SUGCT: variants seen among roughly 807,000 people sequenced by gnomAD.
SUGCT encodes succinyl-CoA:glutarate CoA-transferase.
In SUGCT, 41 loss-of-function variants were observed where a neutral mutation model predicts 55.0. The ratio of observed to expected loss-of-function variants is 0.74; its 90% CI spans 0.58 to 0.97. SUGCT has a LOEUF of 0.97. Ranked by LOEUF, SUGCT falls within the 50% of genes least tolerant of loss-of-function variation. SUGCT has a pLI of 0.00. For missense variants in SUGCT, 568 were observed against 547.8 expected, an observed-to-expected ratio of 1.04 and a Z score of -0.37; for synonymous variants, 187 against 200.4, an observed-to-expected ratio of 0.93 and a Z score of 0.56.
chr7:40,502,801 AC>A, intron 12 of SUGCT, among the ~76,000 whole-genome samples: 1 of 152,134 alleles, frequency 6.6e-6, no homozygotes, highest in Middle Eastern at 3.4e-3. Context: ...AGCTTTCCTC[AC>A]TTTTTAGTTA....
chr7:40,658,768 G>A (rs543750743), intron 12 of SUGCT, among the ~76,000 whole-genome samples: 62 of 152,304 alleles, frequency 4.1e-4, no homozygotes, highest in African/African-American at 1.3e-3. Flanking sequence ...ATTTCCAGCC[G>A]TAAAATCCCA....
intron 13 of SUGCT, among the ~76,000 whole-genome samples, chr7:40,757,506 A>C (rs1216857946): frequency 6.6e-6 from 1 of 152,160 alleles, no homozygotes; most frequent in Admixed American, 6.5e-5. Context: ...ACAGACAAGA[A>C]ACTCTTATTG....
At chr7:40,842,043 A>C (rs940233888) in intron 13 of SUGCT, among the ~76,000 whole-genome samples, 2 of 152,212 alleles carry the variant, frequency 1.3e-5, no homozygotes, top group Admixed American at 6.5e-5. Flanking sequence ...CCACAGAATT[A>C]ATATTAGGAA....
chr7:41,000,211 C>T, the SUGCT span, among the ~76,000 whole-genome samples: 1 of 152,140 alleles, frequency 6.6e-6, no homozygotes, highest in Admixed American at 6.6e-5. Context: ...CACACATACA[C>T]ACACACGCAT....
chr7:40,283,239 T>C (rs947985597), intron 8 of SUGCT, among the ~76,000 whole-genome samples: 2 of 152,024 alleles, frequency 1.3e-5, no homozygotes, highest in African/African-American at 4.8e-5. Context: ...TTTTCTTTTT[T>C]TTTTTTTGAG....
intron 3 of SUGCT, among the ~76,000 whole-genome samples, chr7:40,183,234 C>G (rs1785318853): frequency 6.6e-6 from 1 of 152,222 alleles, no homozygotes; most frequent in Admixed American, 6.5e-5. Flanking sequence ...GGTCGTGCCA[C>G]TGCACTCCAG....
intron 7 of SUGCT, among the ~76,000 whole-genome samples, chr7:40,254,828 T>G (rs1280968105): frequency 6.6e-6 from 1 of 152,066 alleles, no homozygotes; most frequent in Non-Finnish European, 1.5e-5. Context: ...AAAAAATTTA[T>G]TTTTCAAAAA....
intron 12 of SUGCT, among the ~76,000 whole-genome samples, chr7:40,558,852 G>A (rs1795690854): frequency 6.6e-6 from 1 of 152,158 alleles, no homozygotes; most frequent in South Asian, 2.1e-4. Context: ...TCTGGGACCT[G>A]GATATATGCA....
chr7:40,708,227 C>T (rs1025727473), intron 12 of SUGCT, among the ~76,000 whole-genome samples: 1 of 152,074 alleles, frequency 6.6e-6, no homozygotes, highest in Non-Finnish European at 1.5e-5. Flanking sequence ...TTCCTGGGTA[C>T]TCTGTGCTTT....
intron 1 of SUGCT, among the ~76,000 whole-genome samples, chr7:40,161,983 G>A (rs1468894896): frequency 4.0e-5 from 6 of 151,554 alleles, no homozygotes; most frequent in Non-Finnish European, 7.4e-5. Context: ...TGCAACCTCC[G>A]CCTCCCGGGT....
At chr7:40,931,608 T>C in the SUGCT span, among the ~76,000 whole-genome samples, 1 of 152,224 alleles carries the variant, frequency 6.6e-6, no homozygotes, top group Non-Finnish European at 1.5e-5. Flanking sequence ...CAGCCTGTTA[T>C]TGGTCTATTC....
chr7:40,539,424 A>C (rs1238945102), intron 12 of SUGCT: 1 of 152,238 alleles, frequency 6.6e-6, no homozygotes, highest in African/African-American at 2.4e-5. Context: ...GAGAGGACAC[A>C]GAATTCATGC....
At chr7:40,943,915 AT>A in the SUGCT span, among the ~76,000 whole-genome samples, 1 of 148,796 alleles carries the variant, frequency 6.7e-6, no homozygotes, top group Non-Finnish European at 1.5e-5. Context: ...AAGTGTTCCT[AT>A]TTCTCCACAT....
At chr7:40,490,152 A>G (rs1335330248) in intron 11 of SUGCT, among the ~76,000 whole-genome samples, 1 of 152,212 alleles carries the variant, frequency 6.6e-6, no homozygotes, top group Non-Finnish European at 1.5e-5. Flanking sequence ...CAATGAGAGC[A>G]CCAGCTTTGT....
At chr7:40,931,809 C>T in the SUGCT span, among the ~76,000 whole-genome samples, 9 of 152,242 alleles carry the variant, frequency 5.9e-5, no homozygotes, top group African/African-American at 1.7e-4. Flanking sequence ...TGATTCTTCT[C>T]TCTTTTATTC....
the SUGCT span, among the ~76,000 whole-genome samples, chr7:40,944,124 G>T: frequency 3.9e-5 from 6 of 152,266 alleles, no homozygotes; most frequent in East Asian, 9.6e-4. Context: ...TTTTGATGGG[G>T]TTGTTTGTTT....
chr7:40,263,998 A>G (rs1791392937), intron 7 of SUGCT, among the ~76,000 whole-genome samples: 1 of 151,952 alleles, frequency 6.6e-6, no homozygotes, highest in Non-Finnish European at 1.5e-5. Context: ...AAGAAAAATG[A>G]TCTTCCTGTT....
At chr7:40,926,638 A>G in the SUGCT span, among the ~76,000 whole-genome samples, 7,875 of 152,148 alleles carry the variant, frequency 0.052, 309 homozygotes, top group East Asian at 0.16. Flanking sequence ...TGTGTTTATA[A>G]TAAGAGACAC....
At chr7:40,239,968 G>A (rs1178895973) in intron 7 of SUGCT, among the ~76,000 whole-genome samples, 1 of 152,194 alleles carries the variant, frequency 6.6e-6, no homozygotes, top group Non-Finnish European at 1.5e-5. Flanking sequence ...TGGAGATTAA[G>A]CAGGCAACAG....
Sources: gnomAD v4.1 joint callset for allele counts (sites outside exome capture counted in the v4.1 genomes callset) on GRCh38, gnomAD v4.1.1 for gene constraint, MANE v1.5 for transcripts, NCBI Gene and HGNC (gene_info 2026-07-23, HGNC 2026-07-21) for gene names.